Variants in KIF13B observed in about 807,000 individuals in gnomAD.
The protein encoded by KIF13B is kinesin-like protein KIF13B.
A neutral mutation model predicts 222.0 loss-of-function variants in KIF13B; 127 were observed. That is an observed-to-expected ratio of 0.57 (90% CI 0.50 to 0.66). The LOEUF is 0.66. KIF13B is among the 30% of genes least tolerant of loss of function. The pLI is 0.00. For missense variants in KIF13B, 2,173 were observed against 2,379.0 expected, an observed-to-expected ratio of 0.91 and a Z score of 1.80; for synonymous variants, 976 against 919.0, an observed-to-expected ratio of 1.06 and a Z score of -1.12.
rs990849354 is a variant in KIF13B at position 29,237,279 on chromosome 8, A to G, written c.149+8067T>C. Among the ~76,000 whole-genome samples, 9 of 152,054 alleles carry G rather than the reference A, an allele frequency of 5.9e-5. No homozygotes were observed. In the South Asian group the frequency reaches 1.9e-3, roughly 32 times the overall value. On this transcript the variant is annotated intron_variant, in intron 2 of 39. Coordinates refer to ENST00000524189, the MANE Select transcript of KIF13B (RefSeq NM_015254.4). ...TACTGTCAAAAAAACTAAGCAAAAT[A>G]AGCCAAAAAAAAAATGCAATAGTAG...
At chr8:29,125,257 C>T (rs1414965409) in intron 26 of KIF13B, among the ~76,000 whole-genome samples, 2 of 152,118 alleles carry the variant, frequency 1.3e-5, no homozygotes, top group Non-Finnish European at 2.9e-5. Flanking sequence ...AGAATAACAA[C>T]CTACCAGTCA....
At chr8:29,088,627 A>G (rs923555195) in intron 37 of KIF13B, among the ~76,000 whole-genome samples, 3 of 152,230 alleles carry the variant, frequency 2.0e-5, no homozygotes, top group African/African-American at 7.2e-5. Context: ...GAACTCCATT[A>G]TAACAAAGAT....
chr8:29,212,856 G>C (rs145888885), intron 2 of KIF13B, among the ~76,000 whole-genome samples: 62 of 149,514 alleles, frequency 4.1e-4, no homozygotes, highest in African/African-American at 1.5e-3. Context: ...ACGTACCTGA[G>C]GCACTATGCT....
At chr8:29,175,958 G>A in intron 10 of KIF13B, 110 bp downstream of exon 10, 2 of 689,078 alleles carry the variant, frequency 2.9e-6, no homozygotes, top group Non-Finnish European at 5.1e-6. Flanking sequence ...TTATACATTT[G>A]CACACCGATA....
chr8:29,247,422 TC>T (rs1453236472), intron 1 of KIF13B, among the ~76,000 whole-genome samples: 3 of 151,972 alleles, frequency 2.0e-5, no homozygotes, highest in African/African-American at 7.3e-5. Context: ...TTTGTGTGAT[TC>T]AAAAAGCACA....
At chr8:29,157,821 A>G (rs1440644469) in intron 13 of KIF13B, among the ~76,000 whole-genome samples, 2 of 140,160 alleles carry the variant, frequency 1.4e-5, no homozygotes, top group African/African-American at 5.4e-5. Flanking sequence ...ACAGAACAAG[A>G]CCCTGCCTCA....
chr8:29,171,314 G>A (rs77116403), intron 10 of KIF13B, among the ~76,000 whole-genome samples: 1,924 of 152,236 alleles, frequency 0.013, 24 homozygotes, highest in African/African-American at 0.03. Flanking sequence ...CCTGGGAGAA[G>A]AGCACTCACA....
chr8:29,098,170 C>CAAAAAAAAAAAAAAAAAAAAAAAAAAAA (rs147089450), intron 36 of KIF13B, among the ~76,000 whole-genome samples: 27 of 30,300 alleles, frequency 8.9e-4, no homozygotes, highest in Non-Finnish European at 1.2e-3. Context: ...GACTCCATCT[C>CAAAAAAAAAAAAAAAAAAAAAAAAAAAA]AAAAAAAAAA....
chr8:29,169,678 CTGTT>C (rs1293347504), intron 10 of KIF13B, among the ~76,000 whole-genome samples: 2 of 152,200 alleles, frequency 1.3e-5, no homozygotes, highest in Non-Finnish European at 2.9e-5. Flanking sequence ...AAAGCCATGA[CTGTT>C]TGCTTTGCTC....
At chr8:29,136,579 G>GC (rs1810566853) in intron 21 of KIF13B, among the ~76,000 whole-genome samples, 1 of 151,198 alleles carries the variant, frequency 6.6e-6, no homozygotes, top group African/African-American at 2.4e-5. Context: ...GCGAAACTCC[G>GC]CTCAAAAATT....
intron 2 of KIF13B, among the ~76,000 whole-genome samples, chr8:29,209,292 G>A (rs1814100039): frequency 6.6e-6 from 1 of 152,116 alleles, no homozygotes; most frequent in South Asian, 2.1e-4. Context: ...GCTCATGGAG[G>A]GCGAGAAGGC....
At chr8:29,207,691 A>C (rs77917192) in intron 2 of KIF13B, among the ~76,000 whole-genome samples, 2 of 144,578 alleles carry the variant, frequency 1.4e-5, no homozygotes, top group Admixed American at 1.4e-4. Context: ...AATCAAAAGC[A>C]AAAAAAAAAA....
At chr8:29,092,097 GA>G (rs1293072903) in intron 37 of KIF13B, among the ~76,000 whole-genome samples, 2 of 152,216 alleles carry the variant, frequency 1.3e-5, no homozygotes, top group Non-Finnish European at 2.9e-5. Context: ...GTTTTTGAAT[GA>G]GTATAAATAA....
rs750154685 is a variant in KIF13B, at chr8:29,263,060, G to C, written c.-26C>G. ...CCTGCAGCCGCCGAGGAACTCGTTC[G>C]GCTTCCGTCTGCCGCGGCCACCGGC... On this transcript the variant is annotated 5_prime_UTR_variant, in exon 1 of 40. Coordinates refer to ENST00000524189, the MANE Select transcript of KIF13B (RefSeq NM_015254.4). The C allele has an allele frequency of 6.3e-7, 1 of 1,578,842 alleles. No homozygotes were observed. The highest frequency in any genetic ancestry group is 8.6e-7 in the Non-Finnish European group (1 of 1,164,626).
At position 29,132,407 on chromosome 8, in the gene KIF13B, G is replaced by A. The variant is rs1810384547; in HGVS notation, c.2843C>T (p.Ala948Val). The A allele has an allele frequency of 6.3e-7, 1 of 1,590,634 alleles. No homozygotes were observed. The highest frequency in any genetic ancestry group is 1.1e-5 in the South Asian group (1 of 87,290). ...FIEHLSEGAL[A>V]IEVYGHKIND... is the part of the protein sequence containing the mutation. ...TATTTTATGTCCATATACTTCAATT[G>A]CCAATGCTCCTTCGGAAAGATGCTC... Residue 948 changes from alanine (A) to valine (V), a missense_variant, in exon 23 of 40, where the codon GCA (alanine) becomes GTA (valine). Ala to Val is a moderately conservative substitution (Grantham distance 64, BLOSUM62 0). This residue lies in a region of KIF13B where 1,480 missense variants were observed against 1,722.8 expected (regional missense o/e 0.86). Transcript: ENST00000524189.
intron 37 of KIF13B, among the ~76,000 whole-genome samples, chr8:29,077,285 T>G (rs1009912801): frequency 1.3e-5 from 2 of 152,046 alleles, no homozygotes; most frequent in African/African-American, 4.8e-5. Flanking sequence ...CCACTACTGC[T>G]CTCCACGGCC....
At chr8:29,123,918 T>C in intron 27 of KIF13B, 106 bp downstream of exon 27, 2 of 692,628 alleles carry the variant, frequency 2.9e-6, no homozygotes, top group Admixed American at 2.5e-5. Context: ...GCCATCCCCA[T>C]TACTGATGTG....
rs1050903600 is a variant in KIF13B, at chr8:29,072,232, G to C, written c.4606C>G (p.Pro1536Ala). The C allele has an allele frequency of 6.8e-7, 1 of 1,471,688 alleles. No individual in the cohort carries two copies. The highest frequency in any genetic ancestry group is 1.5e-5 in the African/African-American group (1 of 68,428). 91.2% of individuals were successfully genotyped at this position (1,471,688 alleles called of 1,614,324 possible). A position where few individuals can be genotyped will look rare whatever the true frequency, so the allele number is the denominator to read the frequency against. ...ACAGCTATGACAGGCGGTGGGGAAG[G>C]CACTTTGGCAGGTTTGTCGCAGATC... ...LKICDKPAKV[P>A]SPPPVIAVTA... Residue 1536 changes from proline to alanine, a missense_variant, in exon 39 of 40, where the codon CCT becomes GCT. Coordinates refer to ENST00000524189, the MANE Select transcript of KIF13B (RefSeq NM_015254.4).
intron 11 of KIF13B, 55 bp downstream of exon 11, chr8:29,167,318 T>C: frequency 2.8e-6 from 4 of 1,449,134 alleles, no homozygotes; most frequent in Non-Finnish European, 3.8e-6. Flanking sequence ...AAATTCAAGC[T>C]CTAGGCTGAT....
Sources: gnomAD v4.1 joint callset for allele counts (sites outside exome capture counted in the v4.1 genomes callset) on GRCh38, gnomAD v4.1.1 for gene constraint, gnomAD v4.1.1 regional missense constraint, MANE v1.5 for transcripts, NCBI Gene and HGNC (gene_info 2026-07-23, HGNC 2026-07-21) for gene names.